Variants in SUGP2 observed in about 807,000 individuals in gnomAD.
SUGP2 encodes SURP and G-patch domain containing 2.
SUGP2 carries 24 observed loss-of-function variants against 90.5 expected under a neutral mutation model. That is an observed-to-expected ratio of 0.27 (90% CI 0.19 to 0.37). The LOEUF is 0.37. SUGP2 is among the 10% of genes least tolerant of loss of function. SUGP2 has a pLI of 1.00. For missense variants in SUGP2, 1,233 were observed against 1,363.3 expected, an observed-to-expected ratio of 0.90 and a Z score of 1.51; for synonymous variants, 473 against 513.4, an observed-to-expected ratio of 0.92 and a Z score of 1.06.
Position 19,004,160 on chromosome 19 carries a change from G to A in SUGP2, c.2929+8C>T, listed in dbSNP as rs777287472. ...TAGAGGCAACTGTGCCGACAGGCGG[G>A]CACTCACCTTTTGGCTCCTGGATGA... On this transcript the variant is annotated splice_region_variant and intron_variant, in intron 7 of 10. Transcript: ENST00000452918. The A allele has an allele frequency of 1.0e-4, 158 of 1,539,812 alleles. No individual in the cohort carries two copies. The highest frequency in any genetic ancestry group is 1.3e-4 in the Non-Finnish European group (147 of 1,140,676).
Position 19,025,574 on chromosome 19 carries a change from C to G in SUGP2, c.774G>C (p.Val258=). The G allele has an allele frequency of 6.2e-7, 1 of 1,614,060 alleles. No individual in the cohort carries two copies. The highest frequency in any genetic ancestry group is 1.1e-5 in the South Asian group (1 of 91,062). The part of the protein sequence containing the change: ...RNVSTKKIPT[V]NRITPKTQGT... Reference sequence around the variant, plus strand: ...CCTGAGTTTTGGGAGTAATACGATTCACGGTGGGTATTTTTTTTGTGCTCA... The same window carrying G: ...CCTGAGTTTTGGGAGTAATACGATTGACGGTGGGTATTTTTTTTGTGCTCA... The change falls in exon 3 of 11, where the codon GTG becomes GTC. Residue 258 remains valine, a synonymous_variant. Coordinates refer to ENST00000452918, the MANE Select transcript of SUGP2 (RefSeq NM_001017392.5).
chr19:19,024,531 G>A, intron 3 of SUGP2, 88 bp downstream of exon 3: 1 of 1,452,060 alleles, frequency 6.9e-7, no homozygotes, highest in Non-Finnish European at 9.2e-7. Flanking sequence ...ATTGGCTAAA[G>A]AACTTCTGTG....
intron 8 of SUGP2, among the ~76,000 whole-genome samples, chr19:18,996,643 C>T (rs994084662): frequency 1.3e-5 from 2 of 152,136 alleles, no homozygotes; most frequent in Admixed American, 1.3e-4. Flanking sequence ...ACCTCCGCCT[C>T]CTGGGTTCAA....
At chr19:19,033,746 G>A (rs749450033), upstream of SUGP2, 2 of 257,376 alleles carry the variant, frequency 7.8e-6, no homozygotes, top group Non-Finnish European at 1.5e-5. Context: ...GCACGAGGTG[G>A]CCTCGTTGGC....
chr19:18,994,255 G>T, intron 10 of SUGP2, 111 bp downstream of exon 10: 6 of 1,405,562 alleles, frequency 4.3e-6, no homozygotes, highest in South Asian at 2.7e-5. Flanking sequence ...TTTTTTTTGT[G>T]TGTGGCATTT....
Position 18,992,277 on chromosome 19 carries a change from C to T in SUGP2, c.*1464G>A, listed in dbSNP as rs2057394642. ...ATGTTGGCCAGGATGGTCTCGATCTCTTGACCTCGTGATCCACCTGCCTCG... is the reference window on the plus strand; with the variant it reads ...ATGTTGGCCAGGATGGTCTCGATCTTTTGACCTCGTGATCCACCTGCCTCG... On this transcript the variant is annotated 3_prime_UTR_variant, in exon 11 of 11. Coordinates refer to ENST00000452918, the MANE Select transcript of SUGP2 (RefSeq NM_001017392.5). 2 of 150,486 alleles carry T rather than the reference C, an allele frequency of 1.3e-5. No homozygotes were observed. The highest frequency in any genetic ancestry group is 4.9e-5 in the African/African-American group (2 of 40,914). 9.3% of individuals were successfully genotyped at this position (150,486 alleles called of 1,614,324 possible). A position where few individuals can be genotyped will look rare whatever the true frequency, so the allele number is the denominator to read the frequency against.
chr19:19,026,508 G>A (rs62138090), intron 2 of SUGP2, among the ~76,000 whole-genome samples: 536 of 152,166 alleles, frequency 3.5e-3, no homozygotes, highest in Non-Finnish European at 6.1e-3. Context: ...GCAGCCTGAC[G>A]GGCAAGACAC....
intron 4 of SUGP2, among the ~76,000 whole-genome samples, chr19:19,015,571 T>C (rs1414680139): frequency 6.6e-6 from 1 of 152,178 alleles, no homozygotes; most frequent in Non-Finnish European, 1.5e-5. Flanking sequence ...TGGTGCGATC[T>C]TGGCTCACTG....
chr19:19,016,798 C>T (rs189479445), intron 4 of SUGP2, among the ~76,000 whole-genome samples: 1 of 152,244 alleles, frequency 6.6e-6, no homozygotes, highest in African/African-American at 2.4e-5. Context: ...TAGAACAGTA[C>T]CAACTGCACA....
chr19:19,015,029 G>A (rs1421171926), intron 4 of SUGP2, among the ~76,000 whole-genome samples: 4 of 151,632 alleles, frequency 2.6e-5, no homozygotes, highest in Non-Finnish European at 5.9e-5. Flanking sequence ...GTGAAATCCC[G>A]TCTCTACTAA....
At chr19:18,997,782 C>CAAAAAAAAAAA (rs35875282) in intron 8 of SUGP2, among the ~76,000 whole-genome samples, 2 of 88,282 alleles carry the variant, frequency 2.3e-5, no homozygotes, top group African/African-American at 8.6e-5. Flanking sequence ...GACTCCGTCT[C>CAAAAAAAAAAA]AAAAAAAAAA....
chr19:19,003,132 A>AT (rs2057914138), intron 7 of SUGP2, among the ~76,000 whole-genome samples: 1 of 152,202 alleles, frequency 6.6e-6, no homozygotes, highest in Admixed American at 6.5e-5. Flanking sequence ...AAGGATGGTA[A>AT]AGGTTATAGT....
At chr19:18,996,593 C>A (rs939530106) in intron 8 of SUGP2, among the ~76,000 whole-genome samples, 2 of 151,952 alleles carry the variant, frequency 1.3e-5, no homozygotes, top group African/African-American at 4.8e-5. Flanking sequence ...TGCTCTGTTG[C>A]CCAGGCTGGA....
At chr19:19,022,235 CG>C (rs943798956) in intron 3 of SUGP2, among the ~76,000 whole-genome samples, 2 of 152,172 alleles carry the variant, frequency 1.3e-5, no homozygotes, top group African/African-American at 2.4e-5. Flanking sequence ...CCACCCGCCT[CG>C]GCCTCCCAAA....
At position 19,013,721 on chromosome 19, in the gene SUGP2, G is replaced by A. The variant is rs535811831; in HGVS notation, c.1851-3379C>T. 2.0e-5 allele frequency among the ~76,000 whole-genome samples: 3 copies of A among 152,296 alleles called. No individual in the cohort carries two copies. In the South Asian group the frequency reaches 6.2e-4, roughly 32 times the overall value. On this transcript the variant is annotated intron_variant, in intron 4 of 10. Coordinates refer to ENST00000452918, the MANE Select transcript of SUGP2 (RefSeq NM_001017392.5). ...TGAGGCTAGACCACAGGGATTCTTA[G>A]CCACTTGTTTTCCTGAGTGTGTGAA...
rs977501917 is a variant in SUGP2, at chr19:18,992,997, G to C, written c.*744C>G. ...TGACGATGCCATACGTGCGAAAAGT[G>C]CAGAGTCTCAGAGGGTTTACAACCC... On this transcript the variant is annotated 3_prime_UTR_variant, in exon 11 of 11. Transcript: ENST00000452918. The C allele has an allele frequency of 6.6e-6, 1 of 152,178 alleles. No individual in the cohort carries two copies. The highest frequency in any genetic ancestry group is 1.5e-5 in the Non-Finnish European group (1 of 68,040). 9.4% of individuals were successfully genotyped at this position (152,178 alleles called of 1,614,324 possible). A position where few individuals can be genotyped will look rare whatever the true frequency, so the allele number is the denominator to read the frequency against.
rs200741785 is a variant in SUGP2, at chr19:19,026,170, C to T, written c.178G>A (p.Asp60Asn). 1.1e-5 allele frequency: 17 copies of T among 1,613,108 alleles called. No individual in the cohort carries two copies. Among genetic ancestry groups the T allele is most frequent in the African/African-American group, 2.7e-5 (2 of 74,914 alleles). ...GATCCACTGAGGGAGTATCTGCCAT[C>T]GCTGTGGACGTCATCATACATCTCT... ...RAEMYDDVHS[D>N]GRYSLSGSVA... is the part of the protein sequence containing the mutation. The change falls in exon 3 of 11, where the codon GAT becomes AAT. Residue 60 changes from aspartate to asparagine, a missense_variant. Around this residue, in one of 8 missense-constraint regions of SUGP2, gnomAD observed 418 missense variants for 399.9 expected, o/e 1.05. Coordinates refer to ENST00000452918, the MANE Select transcript of SUGP2 (RefSeq NM_001017392.5).
At chr19:19,012,447 C>T (rs937481511) in intron 4 of SUGP2, among the ~76,000 whole-genome samples, 1 of 152,124 alleles carries the variant, frequency 6.6e-6, no homozygotes, top group African/African-American at 2.4e-5. Flanking sequence ...ATGTCAGTCC[C>T]AAATGCATCT....
rs773499718 is a variant in SUGP2 at position 19,024,634 on chromosome 19, T to C, written c.1714A>G (p.Ser572Gly). 2.5e-5 allele frequency: 41 copies of C among 1,613,796 alleles called. No homozygotes were observed. Among genetic ancestry groups the C allele is most frequent in the Middle Eastern group, 3.3e-4 (2 of 6,084 alleles). ...TKPEIQAKAP[S>G]SLSDAVPQRA... is the part of the protein sequence containing the mutation. ...ATTTCCTTACCATCACTCAGACTAC[T>C]TGGAGCCTTGGCCTGAATTTCAGGT... The change falls in exon 3 of 11, where the codon AGT (serine) becomes GGT (glycine). Residue 572 changes from serine (S) to glycine (G), a missense_variant. Coordinates refer to ENST00000452918, the MANE Select transcript of SUGP2 (RefSeq NM_001017392.5).
Sources: allele counts gnomAD v4.1 joint callset (sites outside exome capture counted in the v4.1 genomes callset), GRCh38; gene constraint gnomAD v4.1.1; regional missense constraint gnomAD v4.1.1; transcripts MANE v1.5; gene names NCBI Gene and HGNC (gene_info 2026-07-23, HGNC 2026-07-21).